The following PFKFB3 variants were observed in gnomAD, a reference collection of about 807,000 sequenced individuals.
PFKFB3 encodes 6-phosphofructo-2-kinase/fructose-2,6-bisphosphatase 3.
A neutral mutation model predicts 68.0 loss-of-function variants in PFKFB3; 33 were observed. The observed-to-expected ratio is 0.49, with a 90% CI of 0.37 to 0.65. The LOEUF (loss-of-function observed/expected upper bound fraction) is 0.65. PFKFB3 is among the 30% of genes least tolerant of loss of function. The pLI is 0.00. For missense variants in PFKFB3, 586 were observed against 712.2 expected (o/e 0.82, Z 2.02); for synonymous variants, 315 against 288.2 (o/e 1.09, Z -0.94).
At chr10:6,278,264 C>T in the PFKFB3 span, among the ~76,000 whole-genome samples, 12 of 151,214 alleles carry the variant, frequency 7.9e-5, no homozygotes, top group Non-Finnish European at 2.9e-5. Context: ...TTGGGTCAGC[C>T]ATTGTTGATT....
intron 1 of PFKFB3, among the ~76,000 whole-genome samples, chr10:6,189,610 G>C (rs1386164472): frequency 2.6e-5 from 4 of 151,030 alleles, no homozygotes; most frequent in Admixed American, 6.6e-5. Flanking sequence ...CACCTCCCAG[G>C]TTCAAGCGAT....
rs532979427 is a variant in PFKFB3, at chr10:6,206,654, C to T, written c.76+3318C>T. On this transcript the variant is annotated intron_variant, in intron 1 of 14. Transcript: ENST00000379775. ...GCTCCTCACATCCCAGATGGGGCGG[C>T]GGGGCAGAGACGCTCCCCACATCTC... Among the ~76,000 whole-genome samples, 577 of 151,520 alleles carry T rather than the reference C, an allele frequency of 3.8e-3. 4 individuals are homozygous for T. Among genetic ancestry groups the T allele is most frequent in the African/African-American group, 0.013 (549 of 41,196 alleles).
At chr10:6,177,438 C>CTCTT (rs60272376) in intron 1 of PFKFB3, among the ~76,000 whole-genome samples, 8,016 of 86,718 alleles carry the variant, frequency 0.092, 579 homozygotes, top group South Asian at 0.12. Context: ...TCTTTTCTTT[C>CTCTT]TCTTTCTTTC....
chr10:6,210,091 G>C lies in PFKFB3; in HGVS notation c.77-3532G>C, dbSNP rs1011430278. Among the ~76,000 whole-genome samples, 25 of 120,914 alleles carry C rather than the reference G, an allele frequency of 2.1e-4. 9 individuals are homozygous for C. Among genetic ancestry groups the C allele is most frequent in the Non-Finnish European group, 4.0e-5 (2 of 49,918 alleles). The allele number at this position is 120,914 out of a possible 152,430, so 79.3% of individuals were successfully genotyped here. A position where few individuals can be genotyped will look rare whatever the true frequency, so the allele number is the denominator to read the frequency against. ...TCTAATCACTGTGCCTTGCCAGGGA[G>C]GGTGATGAGGCGGGTGGGGGGTGTC... On this transcript the variant is annotated intron_variant, in intron 1 of 14. Transcript: ENST00000379775.
At chr10:6,243,151 C>T (rs543829259) in intron 14 of PFKFB3, among the ~76,000 whole-genome samples, 1 of 152,306 alleles carries the variant, frequency 6.6e-6, no homozygotes, top group East Asian at 1.9e-4. Flanking sequence ...CTTCAAGTTC[C>T]AAGACAACCA....
intron 14 of PFKFB3, among the ~76,000 whole-genome samples, chr10:6,240,708 A>G (rs1846120495): frequency 6.6e-6 from 1 of 152,194 alleles, no homozygotes; most frequent in Admixed American, 6.5e-5. Flanking sequence ...TTAGTACAGT[A>G]CTAGTAACAA....
chr10:6,294,483 C>G, the PFKFB3 span: 13 of 226,880 alleles, frequency 5.7e-5, no homozygotes, highest in Non-Finnish European at 1.1e-4. Context: ...TCTCGTGAGA[C>G]TTATTCGCTA....
the PFKFB3 span, among the ~76,000 whole-genome samples, chr10:6,325,599 A>G: frequency 2.9e-4 from 44 of 152,240 alleles, no homozygotes; most frequent in Non-Finnish European, 6.0e-4. Flanking sequence ...TTTGCCTTTC[A>G]TGGAGACAAA....
intron 1 of PFKFB3, among the ~76,000 whole-genome samples, chr10:6,185,796 C>G (rs668773): frequency 1.3e-5 from 2 of 151,816 alleles, no homozygotes; most frequent in African/African-American, 4.8e-5. Flanking sequence ...CCCACCACCA[C>G]GCCCAGCTAA....
intron 14 of PFKFB3, among the ~76,000 whole-genome samples, chr10:6,240,814 A>C (rs1262480982): frequency 1.3e-5 from 2 of 150,176 alleles, no homozygotes; most frequent in East Asian, 3.9e-4. Context: ...ATCTCCTTAG[A>C]CTCCTTCAAT....
intron 1 of PFKFB3, among the ~76,000 whole-genome samples, chr10:6,208,539 G>A (rs2794983): frequency 2.0e-5 from 3 of 151,774 alleles, no homozygotes; most frequent in Admixed American, 6.6e-5. Context: ...GAGTTACGCC[G>A]GCTGCTGGTG....
intron 1 of PFKFB3, among the ~76,000 whole-genome samples, chr10:6,175,060 T>C (rs137994862): frequency 0.011 from 1,639 of 152,256 alleles, 64 homozygotes; most frequent in East Asian, 0.098. Context: ...AAGTGTTCCG[T>C]GCGTCTGCCT....
At chr10:6,223,063 C>A in intron 11 of PFKFB3, 79 bp downstream of exon 11, 1 of 1,458,078 alleles carries the variant, frequency 6.9e-7, no homozygotes. Context: ...GCAGACCTGC[C>A]GTGGCCTGCC....
At chr10:6,147,043 C>T (rs933748182) in intron 1 of PFKFB3, among the ~76,000 whole-genome samples, 1 of 152,196 alleles carries the variant, frequency 6.6e-6, no homozygotes, top group Non-Finnish European at 1.5e-5. Flanking sequence ...AGAGCTTCCC[C>T]AGTTGCAGGT....
chr10:6,232,813 C>T, intron 14 of PFKFB3, 82 bp from the exon 15 acceptor site: 2 of 1,068,638 alleles, frequency 1.9e-6, no homozygotes, highest in Non-Finnish European at 2.9e-6. Context: ...TTCTCCGTTG[C>T]ATGGCTCGCG....
In PFKFB3 at chr10:6,147,541, G is replaced by A. The variant is rs952916129; in HGVS notation, c.16+2528G>A. ...GATTTGGGTAGGAGATAGGAAAACC[G>A]TAAGGGATAGTGCAGAGCCCTGGGC... On this transcript the variant is annotated intron_variant, in intron 1 of 14. Coordinates refer to the PFKFB3 transcript ENST00000379789. Among the ~76,000 whole-genome samples the A allele has an allele frequency of 1.1e-3, 174 of 152,202 alleles. 1 individual carries two copies. Among genetic ancestry groups the A allele is most frequent in the Non-Finnish European group, 4.0e-4 (27 of 68,020 alleles).
chr10:6,164,400 A>G (rs9804409), intron 1 of PFKFB3, among the ~76,000 whole-genome samples: 4,570 of 152,282 alleles, frequency 0.03, 123 homozygotes, highest in African/African-American at 0.078. Flanking sequence ...CACAGGAGGC[A>G]TGGTTGAAGA....
At chr10:6,155,494 G>A (rs1004354157) in intron 1 of PFKFB3, among the ~76,000 whole-genome samples, 13 of 152,074 alleles carry the variant, frequency 8.5e-5, no homozygotes, top group Non-Finnish European at 1.3e-4. Flanking sequence ...GTGAGCCACC[G>A]CACCTGGCCG....
the PFKFB3 span, among the ~76,000 whole-genome samples, chr10:6,296,454 A>C: frequency 6.6e-6 from 1 of 152,228 alleles, no homozygotes; most frequent in South Asian, 2.1e-4. Context: ...ATAAAGTGAA[A>C]GCAAGTTTAT....
Sources: allele counts gnomAD v4.1 joint callset (sites outside exome capture counted in the v4.1 genomes callset), GRCh38; gene constraint gnomAD v4.1.1; transcripts MANE v1.5; gene names NCBI Gene and HGNC (gene_info 2026-07-23, HGNC 2026-07-21).